Variants in XIST observed in about 807,000 individuals in gnomAD.
XIST encodes X inactive specific transcript.
chrX:73,849,731 G>GTA lies in XIST; in HGVS notation n.2991_2992dup, dbSNP rs776949983. ...TGCCAAGGGTAAACGGAATATCCCA[G>GTA]TATAATAGGATAAGCAATGGACAAC... is the stretch of plus-strand genomic sequence containing the variant. On this transcript the variant is annotated non_coding_transcript_exon_variant, in exon 1 of 6. Coordinates refer to ENST00000429829, the Ensembl canonical transcript of XIST. 5.4e-6 allele frequency: 3 copies of GTA among 556,158 alleles called. No individual in the cohort carries two copies. In the African/African-American group the frequency reaches 6.7e-5, roughly 12 times the overall value. 45.8% of individuals were successfully genotyped at this position (556,158 alleles called of 1,213,427 possible).
chrX:73,840,389 C>T (rs1022433031), intron 1 of XIST, among the ~76,000 whole-genome samples: 8 of 111,437 alleles, frequency 7.2e-5, no homozygotes, highest in African/African-American at 2.6e-4. Flanking sequence ...AGCCAGTTCA[C>T]TTATATGGTT....
exon 6 of XIST, chrX:73,827,967 G>A (rs1197047961): frequency 3.9e-6 from 2 of 512,248 alleles, no homozygotes; most frequent in South Asian, 2.6e-5. Context: ...AAGAAAGAAA[G>A]AGACAAAGAA....
intron 2 of XIST, among the ~76,000 whole-genome samples, chrX:73,834,906 A>G (rs1922453310): frequency 9.6e-6 from 1 of 104,399 alleles, no homozygotes; most frequent in Admixed American, 1.1e-4. Context: ...AGGCAGGAGA[A>G]TTGCTTGATC....
chrX:73,845,692 T>C, exon 1 of XIST: 1 of 550,182 alleles, frequency 1.8e-6, no homozygotes, highest in Non-Finnish European at 3.3e-6. Context: ...GTTACGCACA[T>C]TAATGTCCAA....
chrX:73,830,176 A>G (rs1922351865), intron 4 of XIST, among the ~76,000 whole-genome samples: 1 of 111,814 alleles, frequency 8.9e-6, no homozygotes, highest in Admixed American at 9.5e-5. Flanking sequence ...CACATAGACT[A>G]CTGGCCCTAG....
chrX:73,845,103 T>G (rs868088972), exon 1 of XIST: 2 of 553,804 alleles, frequency 3.6e-6, no homozygotes, highest in South Asian at 4.5e-5. Context: ...CCATGTGCAG[T>G]TACACACATT....
chrX:73,848,831 T>A (rs748922551), exon 1 of XIST: 1 of 556,712 alleles, frequency 1.8e-6, no homozygotes, highest in Non-Finnish European at 3.2e-6. Flanking sequence ...AGTGGGACTA[T>A]GGGCAATTAG....
exon 1 of XIST, chrX:73,846,482 C>G (rs371979729): frequency 6.8e-5 from 38 of 556,718 alleles, no homozygotes; most frequent in African/African-American, 4.5e-4. Context: ...AAGGGGACTG[C>G]GTTATCAGCA....
At chrX:73,831,135 C>T (rs1361966823) in exon 4 of XIST, 1 of 558,077 alleles carries the variant, frequency 1.8e-6, no homozygotes, top group Non-Finnish European at 3.2e-6. Context: ...CTTGACAGAA[C>T]CTCCTGACCT....
At chrX:73,840,147 A>G (rs1223152719) in intron 1 of XIST, among the ~76,000 whole-genome samples, 14 of 111,616 alleles carry the variant, frequency 1.3e-4, no homozygotes, top group African/African-American at 4.2e-4. Context: ...CTCAAAACAC[A>G]TTTTTTTAGG....
intron 4 of XIST, chrX:73,829,287 T>C: frequency 4.1e-6 from 2 of 487,809 alleles, no homozygotes; most frequent in East Asian, 3.5e-5. Context: ...AGTACTGTGC[T>C]AGAGTTACAT....
chrX:73,850,781 C>T (rs752043002), exon 1 of XIST: 76 of 491,605 alleles, frequency 1.5e-4, no homozygotes, highest in Non-Finnish European at 2.5e-4. Context: ...GGGAGGTATA[C>T]TTAGCCTTAG....
exon 6 of XIST, chrX:73,825,487 G>C: frequency 1.9e-6 from 1 of 518,142 alleles, no homozygotes. Context: ...TGCATTTTTA[G>C]TGCCTAGCAC....
At chrX:73,820,935 T>C in exon 6 of XIST, 1 of 559,223 alleles carries the variant, frequency 1.8e-6, no homozygotes, top group South Asian at 2.2e-5. Flanking sequence ...TAAAAGCAGA[T>C]TTATTCATCA....
chrX:73,844,111 G>A (rs766091712), exon 1 of XIST: 30 of 556,471 alleles, frequency 5.4e-5, no homozygotes, highest in Non-Finnish European at 8.1e-5. Flanking sequence ...AAGAGGTGGG[G>A]CATCCTTGTC....
At chrX:73,843,221 T>C in exon 1 of XIST, 1 of 558,638 alleles carries the variant, frequency 1.8e-6, no homozygotes, top group Non-Finnish European at 3.2e-6. Context: ...TACTAGGGCA[T>C]AATATCCCAC....
At chrX:73,831,674 A>T (rs1367960515) in intron 3 of XIST, among the ~76,000 whole-genome samples, 1 of 111,759 alleles carries the variant, frequency 8.9e-6, no homozygotes, top group Admixed American at 9.5e-5. Flanking sequence ...TAATGGAAGG[A>T]GAAACTAATG....
At chrX:73,852,338 G>A (rs1922972059) in exon 1 of XIST, 1 of 541,230 alleles carries the variant, frequency 1.8e-6, no homozygotes, top group African/African-American at 2.3e-5. Context: ...GGCCCCGTTG[G>A]GCAAAGAAAA....
intron 4 of XIST, among the ~76,000 whole-genome samples, chrX:73,829,790 C>CAA (rs752287639): frequency 2.0e-3 from 48 of 23,924 alleles, no homozygotes; most frequent in African/African-American, 3.6e-3. Flanking sequence ...AACTCCATCT[C>CAA]AAAAAAAAAA....
Sources: allele counts gnomAD v4.1 joint callset (sites outside exome capture counted in the v4.1 genomes callset), GRCh38; gene constraint gnomAD v4.1.1; transcripts MANE v1.5; gene names NCBI Gene and HGNC (gene_info 2026-07-23, HGNC 2026-07-21).